The following GALNT18 variants were observed in gnomAD, a reference collection of about 807,000 sequenced individuals.
The protein encoded by GALNT18 is polypeptide N-acetylgalactosaminyltransferase 18.
GALNT18 carries 44 observed loss-of-function variants against 69.5 expected under a neutral mutation model. The observed-to-expected ratio is 0.63, with a 90% confidence interval of 0.50 to 0.81. GALNT18 has a LOEUF of 0.81. Among genes scored for constraint, GALNT18 ranks in the 40% least tolerant of loss-of-function variants. The pLI is 0.00. For missense variants in GALNT18, 715 were observed against 810.0 expected (o/e 0.88, Z 1.42); for synonymous variants, 364 against 318.2 (o/e 1.14, Z -1.53).
At position 11,582,210 on chromosome 11, in the gene GALNT18, C is replaced by A. The variant is rs779332106; in HGVS notation, c.235+39149G>T. Among the ~76,000 whole-genome samples, 2 of 152,236 alleles carry A rather than the reference C, an allele frequency of 1.3e-5. No individual in the cohort carries two copies. The highest frequency in any genetic ancestry group is 1.5e-5 in the Non-Finnish European group (1 of 68,024). ...GCAGGCAAAGGCTCTGAAGCAGGAA[C>A]AAAGCTGATGTGTTTGAGAACAGCA... On this transcript the variant is annotated intron_variant, in intron 1 of 10. Transcript: ENST00000227756. This position sits in a 1 kb window ranked among gnomAD's most constrained non-coding sequence, Gnocchi z 5.0.
intron 1 of GALNT18, among the ~76,000 whole-genome samples, chr11:11,530,336 C>T (rs1857618767): frequency 1.3e-5 from 2 of 152,214 alleles, no homozygotes; most frequent in Non-Finnish European, 2.9e-5. Context: ...CTTCCCTGGG[C>T]TGCTGACGGG....
chr11:11,441,198 A>C (rs1855525111), intron 2 of GALNT18, among the ~76,000 whole-genome samples: 1 of 152,232 alleles, frequency 6.6e-6, no homozygotes, highest in Non-Finnish European at 1.5e-5. Context: ...TTCAAGAATA[A>C]CATTATACTC....
At chr11:11,559,523 T>C (rs187213583) in intron 1 of GALNT18, among the ~76,000 whole-genome samples, 5 of 152,228 alleles carry the variant, frequency 3.3e-5, no homozygotes, top group African/African-American at 1.2e-4. Context: ...AGGGATGGGA[T>C]AGGATGGGAT....
chr11:11,578,505 T>G (rs1162658741), intron 1 of GALNT18, among the ~76,000 whole-genome samples: 1 of 152,326 alleles, frequency 6.6e-6, no homozygotes, highest in East Asian at 1.9e-4. Flanking sequence ...CCTGGTAATG[T>G]GTGCAATGGC....
chr11:11,554,643 C>G (rs1222144336), intron 1 of GALNT18, among the ~76,000 whole-genome samples: 1 of 152,114 alleles, frequency 6.6e-6, no homozygotes, highest in Non-Finnish European at 1.5e-5. Flanking sequence ...TGTATTTGTT[C>G]ACAGAACTCC....
At position 11,301,209 on chromosome 11, in the gene GALNT18, G is replaced by A. The variant is rs147867936; in HGVS notation, c.1513-8016C>T. ...GGTAGGAGTCATGGAAACAGGCAGG[G>A]TGCCAGACACAGAGGGCGGGAAGAA... On this transcript the variant is annotated intron_variant, in intron 9 of 10. Coordinates refer to ENST00000227756, the MANE Select transcript of GALNT18 (RefSeq NM_198516.3). Among the ~76,000 whole-genome samples the A allele has an allele frequency of 7.6e-3, 1,152 of 152,310 alleles. 11 individuals are homozygous for A. Among genetic ancestry groups the A allele is most frequent in the East Asian group, 0.028 (143 of 5,174 alleles).
chr11:11,311,281 TC>T (rs1251420855), intron 9 of GALNT18, among the ~76,000 whole-genome samples: 2 of 152,094 alleles, frequency 1.3e-5, no homozygotes, highest in East Asian at 3.9e-4. Context: ...TAGGAAAACC[TC>T]CCCACTTCCT....
chr11:11,285,303 TC>T, intron 10 of GALNT18, among the ~76,000 whole-genome samples: 1 of 152,196 alleles, frequency 6.6e-6, no homozygotes, highest in Non-Finnish European at 1.5e-5. Flanking sequence ...TCTCCATGCC[TC>T]AGTTTCCTCC....
At position 11,414,040 on chromosome 11, in the gene GALNT18, C is replaced by A. The variant is rs951844635; in HGVS notation, c.595+18581G>T. On this transcript the variant is annotated intron_variant, in intron 3 of 10. Coordinates refer to ENST00000227756, the MANE Select transcript of GALNT18 (RefSeq NM_198516.3). The stretch of plus-strand genomic sequence containing the variant: ...TCACTCAAGCTAGAAACCTGAGCTG[C>A]ATCTTCCATTCCTTCCTTTCCTTCA... Among the ~76,000 whole-genome samples the A allele has an allele frequency of 2.0e-5, 3 of 152,338 alleles. No individual in the cohort carries two copies. The South Asian group carries it at 6.2e-4, about 32-fold the overall frequency.
rs1012782890 is a variant in GALNT18, at chr11:11,614,349, G to A, written c.235+7010C>T. 8.0e-5 allele frequency among the ~76,000 whole-genome samples: 10 copies of A among 125,662 alleles called. No individual in the cohort carries two copies. Among genetic ancestry groups the A allele is most frequent in the African/African-American group, 3.5e-4 (10 of 28,912 alleles). 82.4% of individuals were successfully genotyped at this position (125,662 alleles called of 152,430 possible). A position where few individuals can be genotyped will look rare whatever the true frequency, so the allele number is the denominator to read the frequency against. The stretch of plus-strand genomic sequence containing the variant: ...TGAGAGAGAGAGGCAAGAGAGTGAG[G>A]AGAAGAAGAAGAAGAGGAGGAGGAG... On this transcript the variant is annotated intron_variant, in intron 1 of 10. Coordinates refer to ENST00000227756, the MANE Select transcript of GALNT18 (RefSeq NM_198516.3). This position sits in a 1 kb window ranked among gnomAD's most constrained non-coding sequence, Gnocchi z 5.6.
At chr11:11,478,937 ATCTC>A (rs1375104948) in intron 1 of GALNT18, among the ~76,000 whole-genome samples, 1 of 151,480 alleles carries the variant, frequency 6.6e-6, no homozygotes, top group African/African-American at 2.4e-5. Context: ...CGGAGGTGGC[ATCTC>A]CCGCGGAGGT....
At chr11:11,453,796 G>T (rs1855862414) in intron 1 of GALNT18, among the ~76,000 whole-genome samples, 1 of 152,230 alleles carries the variant, frequency 6.6e-6, no homozygotes, top group African/African-American at 2.4e-5. Flanking sequence ...CACCATGATT[G>T]TGAGGCCTCC....
At chr11:11,565,524 G>A (rs923686287) in intron 1 of GALNT18, among the ~76,000 whole-genome samples, 5 of 152,182 alleles carry the variant, frequency 3.3e-5, no homozygotes, top group Admixed American at 3.3e-4. Flanking sequence ...GGAAAGGAAG[G>A]AGCAGAAGAA....
chr11:11,505,818 C>G lies in GALNT18; in HGVS notation c.236-56882G>C, dbSNP rs891476369. Among the ~76,000 whole-genome samples the G allele has an allele frequency of 6.6e-6, 1 of 152,202 alleles. No individual in the cohort carries two copies. On this transcript the variant is annotated intron_variant, in intron 1 of 10. Coordinates refer to ENST00000227756, the MANE Select transcript of GALNT18 (RefSeq NM_198516.3). The surrounding 1 kb of genome is among the most constrained non-coding windows in gnomAD (Gnocchi z 4.6). ...ATGCTTTCTTCCCACTGTTTCACAT[C>G]TGGACCCTTTCCACAGTAAATCCTC... is the stretch of plus-strand genomic sequence containing the variant.
chr11:11,420,687 A>G (rs1348911737), intron 3 of GALNT18, among the ~76,000 whole-genome samples: 2 of 152,214 alleles, frequency 1.3e-5, no homozygotes, highest in African/African-American at 4.8e-5. Context: ...GCTGCTGAGA[A>G]AGATAGGCTG....
intron 1 of GALNT18, among the ~76,000 whole-genome samples, chr11:11,534,877 A>T (rs886395759): frequency 2.0e-5 from 3 of 152,266 alleles, no homozygotes; most frequent in African/African-American, 7.2e-5. Flanking sequence ...CAGCAGCAGC[A>T]GTACATGCAG....
chr11:11,525,685 A>T (rs939922878), intron 1 of GALNT18, among the ~76,000 whole-genome samples: 2 of 146,872 alleles, frequency 1.4e-5, no homozygotes, highest in African/African-American at 5.1e-5. Context: ...CCCAGGCTGA[A>T]GTTCAATGAC....
chr11:11,411,724 G>A (rs1454132983), intron 3 of GALNT18, among the ~76,000 whole-genome samples: 1 of 152,204 alleles, frequency 6.6e-6, no homozygotes, highest in African/African-American at 2.4e-5. Context: ...ACACTTTGCC[G>A]AGGAAGGGCC....
chr11:11,410,556 G>T (rs1854703945), intron 3 of GALNT18, among the ~76,000 whole-genome samples: 2 of 152,140 alleles, frequency 1.3e-5, no homozygotes. Context: ...GCAATCAGGG[G>T]CACTGTATAA....
Sources: gnomAD v4.1 joint callset for allele counts (sites outside exome capture counted in the v4.1 genomes callset) on GRCh38, gnomAD v4.1.1 for gene constraint, Gnocchi (gnomAD v3.1) non-coding constraint, MANE v1.5 for transcripts, NCBI Gene and HGNC (gene_info 2026-07-23, HGNC 2026-07-21) for gene names.